Variants in MFSD8 observed in about 807,000 individuals in gnomAD.
The protein encoded by MFSD8 is major facilitator superfamily domain-containing protein 8.
A neutral mutation model predicts 66.4 loss-of-function variants in MFSD8; 55 were observed. That is an observed-to-expected ratio of 0.83 (90% CI 0.67 to 1.04). The LOEUF is 1.04. Ranked by LOEUF, MFSD8 falls within the 50% of genes least tolerant of loss-of-function variation. The pLI is 0.00. For synonymous variants in MFSD8, 202 were observed against 212.8 expected (o/e 0.95, Z 0.44); for missense variants, 550 against 627.6 (o/e 0.88, Z 1.32).
At chr4:127,953,120 C>T (rs1328769936) in intron 2 of MFSD8, among the ~76,000 whole-genome samples, 2 of 152,138 alleles carry the variant, frequency 1.3e-5, no homozygotes, top group Non-Finnish European at 2.9e-5. Context: ...CTAAGAGAAA[C>T]TCTCTCCATG....
intron 8 of MFSD8, chr4:127,932,194 G>A (rs1165279499): frequency 6.6e-6 from 1 of 152,142 alleles, no homozygotes; most frequent in Non-Finnish European, 1.5e-5. Flanking sequence ...AAAATATCAG[G>A]TGAGCTGGAA....
intron 1 of MFSD8, among the ~76,000 whole-genome samples, chr4:127,963,675 G>A (rs931521031): frequency 1.3e-5 from 2 of 152,192 alleles, no homozygotes; most frequent in African/African-American, 2.4e-5. Flanking sequence ...TTCGCGGTGA[G>A]TGTTACGGCT....
intron 2 of MFSD8, 30 bp from the exon 3 acceptor site, chr4:127,949,877 C>G: frequency 6.3e-7 from 1 of 1,576,008 alleles, no homozygotes. Context: ...GTTATTTATA[C>G]TTATAATAAT....
intron 9 of MFSD8, among the ~76,000 whole-genome samples, chr4:127,929,430 A>G (rs946398225): frequency 6.6e-6 from 1 of 151,300 alleles, no homozygotes; most frequent in Non-Finnish European, 1.5e-5. Flanking sequence ...TTAAAAAAAA[A>G]AAAAAAAATT....
chr4:127,932,427 A>G (rs1256661055), intron 8 of MFSD8: 1 of 152,604 alleles, frequency 6.6e-6, no homozygotes, highest in Non-Finnish European at 1.5e-5. Flanking sequence ...AGCAGTGGTT[A>G]CTTTCACAGA....
chr4:127,940,035 T>A (rs778706593), intron 5 of MFSD8, 38 bp from the exon 6 acceptor site: 2 of 1,558,614 alleles, frequency 1.3e-6, no homozygotes, highest in East Asian at 4.5e-5. Context: ...AATTATTATA[T>A]GAGAAGCATA....
intron 10 of MFSD8, 43 bp from the exon 11 acceptor site, chr4:127,921,814 A>C (rs774738019): frequency 1.2e-6 from 2 of 1,613,554 alleles, no homozygotes; most frequent in African/African-American, 2.7e-5. Context: ...TGTTGATTTT[A>C]GATAAATAAC....
At chr4:127,945,922 T>A in intron 3 of MFSD8, among the ~76,000 whole-genome samples, 1 of 151,416 alleles carries the variant, frequency 6.6e-6, no homozygotes, top group Non-Finnish European at 1.5e-5. Flanking sequence ...GCAAAACTTT[T>A]TTTTTTTTTT....
At chr4:127,937,579 T>C (rs1739287203) in intron 7 of MFSD8, among the ~76,000 whole-genome samples, 1 of 152,222 alleles carries the variant, frequency 6.6e-6, no homozygotes, top group South Asian at 2.1e-4. Flanking sequence ...ATATTGTACC[T>C]ATGAAAAGCT....
Position 127,943,776 on chromosome 4 carries a change from G to T in MFSD8, c.415C>A (p.Arg139Ser). 6.2e-7 allele frequency: 1 copy of T among 1,614,002 alleles called. No individual in the cohort carries two copies. Among genetic ancestry groups the T allele is most frequent in the South Asian group, 1.1e-5 (1 of 91,028 alleles). ...SHNKYYMLVA[R>S]GLLGIGAGNV... is the part of the protein sequence containing the mutation. ...CCTGCTCCAATTCCCAACAATCCAC[G>T]AGCAACCAGCATGTAGTATTTATTA... The change falls in exon 4 of 12, where the codon CGT becomes AGT. Residue 139 changes from arginine to serine, a missense_variant. Physicochemically the swap from Arg to Ser is moderately radical, Grantham distance 110. Coordinates refer to ENST00000641686, the MANE Select transcript of MFSD8 (RefSeq NM_001371596.2).
At chr4:127,964,938 AC>A in intron 1 of MFSD8, 133 bp downstream of exon 1, 2 of 1,072,486 alleles carry the variant, frequency 1.9e-6, no homozygotes. Flanking sequence ...GGCTCACACA[AC>A]CCAGCCACCG....
rs1742405232 is a variant in MFSD8 at position 127,953,647 on chromosome 4, G to A, written c.155-3800C>T. Among the ~76,000 whole-genome samples the A allele has an allele frequency of 2.1e-5, 3 of 141,066 alleles. No individual in the cohort carries two copies. In the Admixed American group the frequency reaches 2.4e-4, roughly 11 times the overall value. 92.5% of individuals were successfully genotyped at this position (141,066 alleles called of 152,430 possible). A position where few individuals can be genotyped will look rare whatever the true frequency, so the allele number is the denominator to read the frequency against. On this transcript the variant is annotated intron_variant, in intron 2 of 11. Transcript: ENST00000641686. ...TGGCTCAGTGCAACCTCTGCCTCCT[G>A]GGTTCAAGTGTATTTTTAGTAGAGA... is the stretch of plus-strand genomic sequence containing the variant.
intron 9 of MFSD8, among the ~76,000 whole-genome samples, chr4:127,929,277 C>A (rs190328042): frequency 2.5e-5 from 3 of 120,386 alleles, no homozygotes; most frequent in Non-Finnish European, 3.2e-5. Flanking sequence ...GAGCTGAGAT[C>A]GTGCCACTGC....
chr4:127,920,989 TA>T, intron 11 of MFSD8, 153 bp from the exon 12 acceptor site: 1 of 685,484 alleles, frequency 1.5e-6, no homozygotes. Context: ...CCTATAAATA[TA>T]GCATTTAATA....
At chr4:127,951,000 T>C (rs1164825524) in intron 2 of MFSD8, among the ~76,000 whole-genome samples, 4 of 150,418 alleles carry the variant, frequency 2.7e-5, no homozygotes, top group Non-Finnish European at 5.9e-5. Context: ...GCGGAGGTTG[T>C]AGTGAGCCAA....
intron 7 of MFSD8, among the ~76,000 whole-genome samples, chr4:127,933,918 G>A (rs1216714646): frequency 6.6e-6 from 1 of 151,960 alleles, no homozygotes; most frequent in African/African-American, 2.4e-5. Context: ...ATGGCCAGGA[G>A]TGGTGGCTCA....
At chr4:127,946,741 C>G (rs543936510) in intron 3 of MFSD8, among the ~76,000 whole-genome samples, 2 of 152,032 alleles carry the variant, frequency 1.3e-5, no homozygotes, top group East Asian at 1.9e-4. Context: ...ACAGTGAAAC[C>G]CTGTCTCTAC....
At chr4:127,956,986 GTCTT>G in intron 2 of MFSD8, among the ~76,000 whole-genome samples, 1 of 152,002 alleles carries the variant, frequency 6.6e-6, no homozygotes, top group African/African-American at 2.4e-5. Context: ...TTAACTGTTA[GTCTT>G]TCTTTTGTCA....
chr4:127,943,660 G>A (rs1740568594), intron 4 of MFSD8, 92 bp downstream of exon 4: 10 of 1,471,214 alleles, frequency 6.8e-6, no homozygotes, highest in Non-Finnish European at 8.5e-6. Context: ...TGAAATATGA[G>A]TTTAAAAGGG....
Sources: allele counts gnomAD v4.1 joint callset (sites outside exome capture counted in the v4.1 genomes callset), GRCh38; gene constraint gnomAD v4.1.1; transcripts MANE v1.5; gene names NCBI Gene and HGNC (gene_info 2026-07-23, HGNC 2026-07-21).